The following WDFY4 variants were observed in gnomAD, a reference collection of about 807,000 sequenced individuals.
WDFY4 encodes WD repeat- and FYVE domain-containing protein 4.
A neutral mutation model predicts 351.9 loss-of-function variants in WDFY4; 169 were observed. That is an observed-to-expected ratio of 0.48 (90% confidence interval 0.42 to 0.55). WDFY4 has a LOEUF of 0.55. Ranked by LOEUF, WDFY4 falls within the 20% of genes least tolerant of loss-of-function variation. WDFY4 has a pLI of 0.00. For synonymous variants in WDFY4, 1,622 were observed against 1,574.6 expected, an observed-to-expected ratio of 1.03 and a Z score of -0.71; for missense variants, 3,803 against 3,935.6, an observed-to-expected ratio of 0.97 and a Z score of 0.90.
intron 36 of WDFY4, among the ~76,000 whole-genome samples, chr10:48,828,197 A>C (rs962392337): frequency 6.6e-6 from 1 of 152,222 alleles, no homozygotes; most frequent in Non-Finnish European, 1.5e-5. Context: ...CACATGGTTC[A>C]TGGGAAACCT....
intron 41 of WDFY4, 150 bp downstream of exon 41, chr10:48,873,847 G>A: frequency 1.2e-6 from 1 of 852,570 alleles, no homozygotes; most frequent in Non-Finnish European, 1.8e-6. Context: ...TATTCTCAAT[G>A]CCATTTAAGA....
chr10:48,964,980 A>G (rs1590005865), intron 54 of WDFY4, among the ~76,000 whole-genome samples: 1 of 152,180 alleles, frequency 6.6e-6, no homozygotes, highest in South Asian at 2.1e-4. Flanking sequence ...TAAAGGGAAT[A>G]TGAGGAAGGT....
intron 27 of WDFY4, among the ~76,000 whole-genome samples, chr10:48,807,168 G>A (rs996609260): frequency 6.6e-6 from 1 of 152,166 alleles, no homozygotes; most frequent in Admixed American, 6.5e-5. Flanking sequence ...GTATGGCGTG[G>A]TGTATGCCCT....
chr10:48,716,152 A>T (rs2063903377), intron 2 of WDFY4, among the ~76,000 whole-genome samples: 1 of 152,056 alleles, frequency 6.6e-6, no homozygotes, highest in Non-Finnish European at 1.5e-5. Context: ...TCACACTCGC[A>T]GGGAAACTTC....
intron 52 of WDFY4, among the ~76,000 whole-genome samples, chr10:48,958,506 AATG>A (rs1200103862): frequency 6.6e-6 from 1 of 152,156 alleles, no homozygotes; most frequent in Non-Finnish European, 1.5e-5. Flanking sequence ...CAGCTGCAGA[AATG>A]ATGGCTCCTA....
chr10:48,868,772 T>C (rs1436549962), intron 40 of WDFY4, among the ~76,000 whole-genome samples: 1 of 152,224 alleles, frequency 6.6e-6, no homozygotes, highest in Non-Finnish European at 1.5e-5. Context: ...TGCAACCATT[T>C]CTGCTCCAAT....
At chr10:48,892,199 A>G (rs1836837994) in intron 44 of WDFY4, among the ~76,000 whole-genome samples, 1 of 152,232 alleles carries the variant, frequency 6.6e-6, no homozygotes, top group South Asian at 2.1e-4. Flanking sequence ...TGACTCACAT[A>G]ATCCACTGCT....
chr10:48,838,775 C>A (rs2068494973), intron 39 of WDFY4, among the ~76,000 whole-genome samples: 1 of 152,178 alleles, frequency 6.6e-6, no homozygotes, highest in African/African-American at 2.4e-5. Context: ...ATTACTGTTT[C>A]TGTATGCTTA....
At chr10:48,978,268 G>C in intron 59 of WDFY4, 41 bp from the exon 60 acceptor site, 1 of 1,539,800 alleles carries the variant, frequency 6.5e-7, no homozygotes, top group African/African-American at 1.4e-5. Flanking sequence ...TTGCAGACAG[G>C]ATCGTCTTCC....
chr10:48,895,134 C>A (rs1284658252), intron 44 of WDFY4, among the ~76,000 whole-genome samples: 1 of 152,232 alleles, frequency 6.6e-6, no homozygotes, highest in African/African-American at 2.4e-5. Context: ...AAGCAAGGGG[C>A]TCAGGCTGTG....
At chr10:48,851,723 C>T (rs2620890) in intron 39 of WDFY4, among the ~76,000 whole-genome samples, 56,206 of 152,170 alleles carry the variant, frequency 0.37, 10,736 homozygotes, top group East Asian at 0.71. Flanking sequence ...GTGTTTCCTG[C>T]GGGACAGCTT....
intron 8 of WDFY4, among the ~76,000 whole-genome samples, chr10:48,730,381 G>T (rs2064418724): frequency 6.6e-6 from 1 of 152,234 alleles, no homozygotes; most frequent in African/African-American, 2.4e-5. Flanking sequence ...GCACAGACAT[G>T]GTTTAGGGGA....
intron 47 of WDFY4, among the ~76,000 whole-genome samples, chr10:48,922,095 C>G (rs1564489936): frequency 6.6e-6 from 1 of 152,186 alleles, no homozygotes; most frequent in Non-Finnish European, 1.5e-5. Flanking sequence ...ATTCCTAATA[C>G]TGTACAGTAG....
intron 2 of WDFY4, among the ~76,000 whole-genome samples, chr10:48,716,454 C>G (rs1175076037): frequency 3.9e-5 from 6 of 152,186 alleles, no homozygotes; most frequent in Non-Finnish European, 1.5e-5. Context: ...AAATATTGAG[C>G]AATATTCTCC....
chr10:48,959,639 C>G (rs1023393505), intron 52 of WDFY4, 83 bp from the exon 53 acceptor site: 1 of 1,270,082 alleles, frequency 7.9e-7, no homozygotes, highest in Non-Finnish European at 1.1e-6. Flanking sequence ...AATCAGCAAT[C>G]CTGGGCAATG....
intron 23 of WDFY4, 140 bp from the exon 24 acceptor site, chr10:48,796,158 A>G (rs191567265): frequency 5.9e-4 from 625 of 1,058,038 alleles, no homozygotes; most frequent in Non-Finnish European, 7.9e-4. Context: ...GTTGATGTGT[A>G]TTTTTCTTCT....
chr10:48,836,464 T>A (rs1192067101), intron 39 of WDFY4, among the ~76,000 whole-genome samples: 1 of 152,084 alleles, frequency 6.6e-6, no homozygotes, highest in South Asian at 2.1e-4. Flanking sequence ...ATTAAAGGAG[T>A]TGGTGTTGGA....
At chr10:48,723,930 T>C (rs1468682801) in intron 5 of WDFY4, among the ~76,000 whole-genome samples, 7 of 151,814 alleles carry the variant, frequency 4.6e-5, no homozygotes, top group Admixed American at 4.6e-4. Flanking sequence ...AAGTCTTGGG[T>C]GGGGCTGGGA....
chr10:48,752,783 T>C (rs967508756), intron 12 of WDFY4, among the ~76,000 whole-genome samples: 1 of 152,262 alleles, frequency 6.6e-6, no homozygotes. Flanking sequence ...CATTCATTTG[T>C]TGATGAACAT....
Sources: gnomAD v4.1 joint callset for allele counts (sites outside exome capture counted in the v4.1 genomes callset) on GRCh38, gnomAD v4.1.1 for gene constraint, MANE v1.5 for transcripts, NCBI Gene and HGNC (gene_info 2026-07-23, HGNC 2026-07-21) for gene names.